The following PIK3C2G variants were observed in gnomAD, a reference collection of about 807,000 sequenced individuals.
PIK3C2G encodes phosphatidylinositol-4-phosphate 3-kinase catalytic subunit type 2 gamma, also known as phosphatidylinositol 3-kinase C2 domain-containing subunit gamma.
Under a neutral mutation model 181.1 loss-of-function variants are expected in PIK3C2G, and 168 were observed. The ratio of observed to expected loss-of-function variants is 0.93; its 90% CI spans 0.82 to 1.05. PIK3C2G has a LOEUF of 1.05. PIK3C2G is among the 50% of genes least tolerant of loss of function. The probability of loss-of-function intolerance (pLI) is 0.00; values close to 1 mark genes in which losing one functional copy is unlikely to be tolerated. For synonymous variants in PIK3C2G, 573 were observed against 592.2 expected (o/e 0.97, Z 0.47); for missense variants, 1,869 against 1,732.8 (o/e 1.08, Z -1.40).
chr12:18,288,371 G>A (rs1051734491), intron 3 of PIK3C2G, among the ~76,000 whole-genome samples: 1 of 152,048 alleles, frequency 6.6e-6, no homozygotes, highest in Non-Finnish European at 1.5e-5. Flanking sequence ...GCTTATGCAT[G>A]AGAGATACTC....
At chr12:18,267,808 T>C (rs892237051) in intron 1 of PIK3C2G, among the ~76,000 whole-genome samples, 1 of 152,360 alleles carries the variant, frequency 6.6e-6, no homozygotes. Context: ...TTGCCAGAAG[T>C]GGACTGTTTT....
chr12:18,364,951 A>G (rs1941533501), intron 12 of PIK3C2G, among the ~76,000 whole-genome samples: 1 of 152,184 alleles, frequency 6.6e-6, no homozygotes, highest in Admixed American at 6.5e-5. Flanking sequence ...TTTTCTTCTG[A>G]TTTAATTAAA....
chr12:18,470,431 A>T (rs778746628), intron 18 of PIK3C2G, among the ~76,000 whole-genome samples: 2 of 152,108 alleles, frequency 1.3e-5, no homozygotes, highest in African/African-American at 2.4e-5. Flanking sequence ...CATTTCTTCC[A>T]TGAAACCACA....
At chr12:18,430,917 A>G (rs1946119153) in intron 18 of PIK3C2G, among the ~76,000 whole-genome samples, 1 of 152,166 alleles carries the variant, frequency 6.6e-6, no homozygotes, top group Non-Finnish European at 1.5e-5. Context: ...TGCTATCCAT[A>G]AAACTGAGAT....
At chr12:18,650,712 CTA>C (rs1157799425), downstream of PIK3C2G, among the ~76,000 whole-genome samples, 199 of 14,572 alleles carry the variant, frequency 0.014, 1 homozygote, top group South Asian at 0.043. Flanking sequence ...GTGTATATAT[CTA>C]TATATATATA....
At chr12:18,310,348 G>A (rs1248598512) in intron 5 of PIK3C2G, among the ~76,000 whole-genome samples, 1 of 151,854 alleles carries the variant, frequency 6.6e-6, no homozygotes, top group Non-Finnish European at 1.5e-5. Context: ...GCTAGTGAGA[G>A]GCTACGTAGT....
chr12:18,290,792 T>C, intron 3 of PIK3C2G, 63 bp from the exon 4 acceptor site: 2 of 999,022 alleles, frequency 2.0e-6, no homozygotes, highest in Non-Finnish European at 1.5e-6. Context: ...TTGTGGGCAA[T>C]ATGTTTTAAA....
At chr12:18,408,072 T>C (rs1944639506) in intron 16 of PIK3C2G, among the ~76,000 whole-genome samples, 1 of 152,166 alleles carries the variant, frequency 6.6e-6, no homozygotes, top group African/African-American at 2.4e-5. Context: ...ATCACTCTGG[T>C]TTCTGAGTGA....
At chr12:18,295,992 A>G (rs1472155099) in intron 5 of PIK3C2G, among the ~76,000 whole-genome samples, 1 of 152,136 alleles carries the variant, frequency 6.6e-6, no homozygotes, top group Non-Finnish European at 1.5e-5. Flanking sequence ...TAACAGTGCA[A>G]TAAGTAAAAA....
intron 29 of PIK3C2G, among the ~76,000 whole-genome samples, chr12:18,588,285 A>C (rs1023420583): frequency 1.3e-5 from 2 of 152,172 alleles, no homozygotes; most frequent in South Asian, 2.1e-4. Flanking sequence ...TCTGCACAGC[A>C]AAAGAAATAA....
intron 18 of PIK3C2G, among the ~76,000 whole-genome samples, chr12:18,455,692 T>C (rs1216800918): frequency 1.3e-5 from 2 of 152,058 alleles, no homozygotes; most frequent in Non-Finnish European, 2.9e-5. Context: ...CTCACTGTTT[T>C]CTCACATGGC....
At chr12:18,654,768 T>C in the PIK3C2G span, among the ~76,000 whole-genome samples, 1 of 152,150 alleles carries the variant, frequency 6.6e-6, no homozygotes, top group African/African-American at 2.4e-5. Context: ...AGGATCAAGA[T>C]AATCAAGACT....
chr12:18,533,291 T>A (rs1943655565), intron 24 of PIK3C2G, among the ~76,000 whole-genome samples: 1 of 152,138 alleles, frequency 6.6e-6, no homozygotes, highest in Admixed American at 6.6e-5. Flanking sequence ...AAATATAACT[T>A]AAGCTCAAAG....
chr12:18,504,935 C>T (rs1941724637), intron 23 of PIK3C2G, among the ~76,000 whole-genome samples: 1 of 151,950 alleles, frequency 6.6e-6, no homozygotes, highest in Non-Finnish European at 1.5e-5. Context: ...GCGTATTGTT[C>T]CTCCTTTTAC....
upstream of PIK3C2G, among the ~76,000 whole-genome samples, chr12:18,245,209 G>A (rs923396929): frequency 6.6e-6 from 1 of 152,168 alleles, no homozygotes; most frequent in South Asian, 2.1e-4. Flanking sequence ...TATAATTCAT[G>A]TTTGGGAGCA....
At chr12:18,307,734 C>T (rs934953664) in intron 5 of PIK3C2G, among the ~76,000 whole-genome samples, 32 of 151,744 alleles carry the variant, frequency 2.1e-4, no homozygotes, top group African/African-American at 6.5e-4. Flanking sequence ...ATTAAATTCC[C>T]ACCCTTCTTT....
rs961574232 is a variant in PIK3C2G, at chr12:18,328,524, A to T, written c.1272+3426A>T. Among the ~76,000 whole-genome samples the T allele has an allele frequency of 2.6e-5, 4 of 152,024 alleles. No individual in the cohort carries two copies. The South Asian group carries it at 8.3e-4, about 31-fold the overall frequency. ...GAAGTTCCAATTTCAAACATAACTT[A>T]AGCCTAATGGTAGTCTAAAACAAAA... is the stretch of plus-strand genomic sequence containing the variant. On this transcript the variant is annotated intron_variant, in intron 8 of 32. Coordinates refer to ENST00000538779, the MANE Select transcript of PIK3C2G (RefSeq NM_001288772.2).
At chr12:18,364,952 T>G (rs1941533718) in intron 12 of PIK3C2G, among the ~76,000 whole-genome samples, 1 of 152,172 alleles carries the variant, frequency 6.6e-6, no homozygotes, top group African/African-American at 2.4e-5. Context: ...TTTCTTCTGA[T>G]TTAATTAAAA....
chr12:18,719,550 ACATT>A, the PIK3C2G span: 2 of 1,601,904 alleles, frequency 1.2e-6, no homozygotes, highest in South Asian at 2.2e-5. Flanking sequence ...AAACTTTTCT[ACATT>A]CATTTTTAAA....
Sources: allele counts gnomAD v4.1 joint callset (sites outside exome capture counted in the v4.1 genomes callset), GRCh38; gene constraint gnomAD v4.1.1; transcripts MANE v1.5; gene names NCBI Gene and HGNC (gene_info 2026-07-23, HGNC 2026-07-21).